The following TRERF1 variants were observed in gnomAD, a reference collection of about 807,000 sequenced individuals.
TRERF1 encodes the protein transcriptional regulating factor 1.
Under a neutral mutation model 122.9 loss-of-function variants are expected in TRERF1, and 27 were observed. The ratio of observed to expected loss-of-function variants is 0.22; its 90% confidence interval spans 0.16 to 0.30. The LOEUF is 0.30. Ranked by LOEUF, TRERF1 falls within the 10% of genes least tolerant of loss-of-function variation. TRERF1 has a pLI of 1.00. For synonymous variants in TRERF1, 636 were observed against 641.7 expected, an observed-to-expected ratio of 0.99 and a Z score of 0.13; for missense variants, 1,248 against 1,560.3, an observed-to-expected ratio of 0.80 and a Z score of 3.37.
intron 2 of TRERF1, among the ~76,000 whole-genome samples, chr6:42,447,173 GCT>G (rs1379985839): frequency 1.3e-5 from 2 of 152,164 alleles, no homozygotes; most frequent in African/African-American, 4.8e-5. Flanking sequence ...CCCCATGCCA[GCT>G]CATCGTCTTC....
chr6:42,451,528 C>A (rs1788513674), intron 1 of TRERF1, among the ~76,000 whole-genome samples, 146 bp downstream of exon 1: 1 of 151,936 alleles, frequency 6.6e-6, no homozygotes, highest in African/African-American at 2.4e-5. Context: ...CTCGGTCCGT[C>A]TACGCCTCCA....
At chr6:42,415,529 T>C (rs979195775) in intron 2 of TRERF1, among the ~76,000 whole-genome samples, 2 of 152,188 alleles carry the variant, frequency 1.3e-5, no homozygotes, top group Non-Finnish European at 2.9e-5. Flanking sequence ...ATTTGACCTA[T>C]GTTTGATAGG....
intron 2 of TRERF1, among the ~76,000 whole-genome samples, chr6:42,401,822 G>T (rs1410090391): frequency 6.6e-6 from 1 of 152,172 alleles, no homozygotes; most frequent in African/African-American, 2.4e-5. Flanking sequence ...CTCAAGCCCT[G>T]TGTACCACTG....
intron 4 of TRERF1, among the ~76,000 whole-genome samples, chr6:42,294,269 C>A (rs1784743818): frequency 6.6e-6 from 1 of 150,784 alleles, no homozygotes; most frequent in South Asian, 2.1e-4. Flanking sequence ...GCAACCTCCG[C>A]TTCCTGGGTT....
chr6:42,342,077 A>G (rs1767394351), intron 3 of TRERF1, among the ~76,000 whole-genome samples: 1 of 152,226 alleles, frequency 6.6e-6, no homozygotes, highest in Admixed American at 6.5e-5. Context: ...CATCCAACTC[A>G]TTTATTCTGC....
rs185467662 is a variant in TRERF1 at position 42,348,442 on chromosome 6, G to A, written c.-371+14555C>T. Among the ~76,000 whole-genome samples the A allele has an allele frequency of 4.0e-4, 61 of 151,980 alleles. 1 individual carries two copies. The East Asian group carries it at 7.8e-3, about 19-fold the overall frequency. On this transcript the variant is annotated intron_variant, in intron 3 of 17. Coordinates refer to ENST00000372922, the Ensembl canonical transcript of TRERF1. ...CTAATTTTTTATTTTTAGTCGAGAC[G>A]GAGTTTCACCATGTTGGCCAGGCTG...
At chr6:42,421,185 G>C (rs903656607) in intron 2 of TRERF1, among the ~76,000 whole-genome samples, 3 of 152,176 alleles carry the variant, frequency 2.0e-5, no homozygotes, top group African/African-American at 7.2e-5. Context: ...TGAATGTATA[G>C]AGCGCACTTG....
chr6:42,368,888 A>G (rs1307109866), intron 2 of TRERF1, among the ~76,000 whole-genome samples: 1 of 152,174 alleles, frequency 6.6e-6, no homozygotes, highest in Non-Finnish European at 1.5e-5. Flanking sequence ...TGTGCACAGT[A>G]TCTGAAAGGA....
intron 2 of TRERF1, among the ~76,000 whole-genome samples, chr6:42,373,537 G>GC (rs1360188175): frequency 6.6e-6 from 1 of 151,970 alleles, no homozygotes. Context: ...TGTGGTGGCG[G>GC]GCACCTGTAG....
Position 42,232,690 on chromosome 6 carries a change from T to C in TRERF1, c.3269A>G (p.Glu1090Gly). 6.3e-7 allele frequency: 1 copy of C among 1,596,968 alleles called. No homozygotes were observed. Residue 1090 changes from glutamate (E) to glycine (G), a missense_variant, in exon 17 of 18, where the codon GAG (glutamate) becomes GGG (glycine). Around this residue, in one of 5 missense-constraint regions of TRERF1, gnomAD observed 159 missense variants for 221.7 expected, o/e 0.72. Coordinates refer to ENST00000372922, the Ensembl canonical transcript of TRERF1. This position sits in a 1 kb window ranked among gnomAD's most constrained non-coding sequence, Gnocchi z 4.5. ...GGTCCCCTGCACCTACTTGCCACACTCCTTGCAGGGGAAGATGGTGGTGGG... is the reference window on the plus strand; with the variant it reads ...GGTCCCCTGCACCTACTTGCCACACCCCTTGCAGGGGAAGATGGTGGTGGG...
At chr6:42,288,326 TG>T (rs1197579185) in intron 4 of TRERF1, among the ~76,000 whole-genome samples, 1 of 152,014 alleles carries the variant, frequency 6.6e-6, no homozygotes, top group African/African-American at 2.4e-5. Context: ...CCCAGCACTT[TG>T]GGAGGCCGAG....
intron 2 of TRERF1, among the ~76,000 whole-genome samples, chr6:42,435,954 C>A (rs1032931670): frequency 1.4e-5 from 2 of 146,500 alleles, no homozygotes; most frequent in African/African-American, 5.0e-5. Context: ...CACTCCAGCC[C>A]AGGCGACAGT....
rs75857486 is a variant in TRERF1 at position 42,260,666 on chromosome 6, C to G, written c.1885-943G>C. Among the ~76,000 whole-genome samples the G allele has an allele frequency of 7.3e-3, 1,113 of 152,238 alleles. 12 individuals carry two copies. Among genetic ancestry groups the G allele is most frequent in the African/African-American group, 0.025 (1,024 of 41,552 alleles). ...GGAAGGTTCTGGGCAGTCTGGGGTG[C>G]CCTCTCAGGCCCTGCAGGCCAGGGG... On this transcript the variant is annotated intron_variant, in intron 8 of 17. Coordinates refer to ENST00000372922, the Ensembl canonical transcript of TRERF1.
At chr6:42,279,963 T>A (rs1311940340) in intron 4 of TRERF1, among the ~76,000 whole-genome samples, 1 of 152,108 alleles carries the variant, frequency 6.6e-6, no homozygotes, top group Non-Finnish European at 1.5e-5. Context: ...AGTCAGTATG[T>A]AAAATAACCG....
Position 42,228,760 on chromosome 6 carries a change from G to A in TRERF1, c.3279-91C>T, listed in dbSNP as rs566473953. ...GTCCTACGGGGAATGGGGGTGTGTGGTCTGACAAAGTCCCTGGCTGCTCGG... is the reference window on the plus strand; with the variant it reads ...GTCCTACGGGGAATGGGGGTGTGTGATCTGACAAAGTCCCTGGCTGCTCGG... On this transcript the variant is annotated intron_variant, in intron 17 of 17. Transcript: ENST00000372922. This position sits in a 1 kb window ranked among gnomAD's most constrained non-coding sequence, Gnocchi z 4.2. 4.6e-6 allele frequency: 6 copies of A among 1,293,282 alleles called. No individual in the cohort carries two copies. Among genetic ancestry groups the A allele is most frequent in the Non-Finnish European group, 6.4e-6 (6 of 942,934 alleles). The allele number at this position is 1,293,282 out of a possible 1,614,324, so 80.1% of individuals were successfully genotyped here.
chr6:42,337,397 G>C (rs1289637841), intron 3 of TRERF1, among the ~76,000 whole-genome samples: 1 of 152,218 alleles, frequency 6.6e-6, no homozygotes, highest in Non-Finnish European at 1.5e-5. Flanking sequence ...GTTAGCTGGA[G>C]CAGGTCTGAG....
Position 42,303,927 on chromosome 6 carries a change from A to AG in TRERF1, c.-370-3179_-370-3178insC, listed in dbSNP as rs1483442464. The stretch of plus-strand genomic sequence containing the variant: ...CATAAAAAAAAAAAAAAAAAAAAAA[A>AG]AAGAAGATGTACAGGTTTTTCCAAA... On this transcript the variant is annotated intron_variant, in intron 3 of 17. Transcript: ENST00000372922. Among the ~76,000 whole-genome samples the AG allele has an allele frequency of 4.4e-3, 662 of 150,008 alleles. 3 individuals carry two copies. The highest frequency in any genetic ancestry group is 6.9e-3 in the Admixed American group (103 of 14,876).
At chr6:42,288,038 C>T (rs1487351553) in intron 4 of TRERF1, among the ~76,000 whole-genome samples, 1 of 151,968 alleles carries the variant, frequency 6.6e-6, no homozygotes, top group Non-Finnish European at 1.5e-5. Context: ...CATTCTCCAC[C>T]TTCTCAGCCT....
chr6:42,269,323 C>G lies in TRERF1; in HGVS notation c.268G>C (p.Gly90Arg). ...CGTAGCTGGACATGGTTTCCAGGCC[C>G]TGCATGACTTCCCCACCCTCCCTGC... Residue 90 changes from glycine to arginine, a missense_variant, in exon 5 of 18, where the codon GGG becomes CGG. Coordinates refer to ENST00000372922, the Ensembl canonical transcript of TRERF1. The surrounding 1 kb of genome is among the most constrained non-coding windows in gnomAD (Gnocchi z 4.9). 1 of 1,614,174 alleles carries G rather than the reference C, an allele frequency of 6.2e-7. No homozygotes were observed. Among genetic ancestry groups the G allele is most frequent in the East Asian group, 2.2e-5 (1 of 44,880 alleles).
Sources: allele counts gnomAD v4.1 joint callset (sites outside exome capture counted in the v4.1 genomes callset), GRCh38; gene constraint gnomAD v4.1.1; regional missense constraint gnomAD v4.1.1; non-coding constraint Gnocchi (gnomAD v3.1); transcripts MANE v1.5; gene names NCBI Gene and HGNC (gene_info 2026-07-23, HGNC 2026-07-21).